The following ZBTB26 variants were observed in gnomAD, a reference collection of about 807,000 sequenced individuals.
ZBTB26 encodes the protein zinc finger and BTB domain-containing protein 26.
In ZBTB26, 12 loss-of-function variants were observed where a neutral mutation model predicts 31.6. That is an observed-to-expected ratio of 0.38 (90% confidence interval 0.24 to 0.61). ZBTB26 has a LOEUF of 0.61. Ranked by LOEUF, ZBTB26 falls within the 20% of genes least tolerant of loss-of-function variation. ZBTB26 has a pLI of 0.60. For synonymous variants in ZBTB26, 155 were observed against 182.9 expected, an observed-to-expected ratio of 0.85 and a Z score of 1.23; for missense variants, 311 against 521.9, an observed-to-expected ratio of 0.60 and a Z score of 3.94.
intron 1 of ZBTB26, among the ~76,000 whole-genome samples, chr9:122,921,826 G>A (rs1010270982): frequency 6.6e-6 from 1 of 152,194 alleles, no homozygotes; most frequent in African/African-American, 2.4e-5. Context: ...AGCTACTCAG[G>A]AGGCTAAGGC....
intron 1 of ZBTB26, among the ~76,000 whole-genome samples, chr9:122,928,437 T>C (rs1177806891): frequency 1.3e-5 from 2 of 152,106 alleles, no homozygotes; most frequent in African/African-American, 4.8e-5. Context: ...CCTCCCAAAG[T>C]GCTGGGATTA....
intron 1 of ZBTB26, 49 bp downstream of exon 1, chr9:122,931,388 T>C (rs1833283693): frequency 6.6e-6 from 1 of 152,534 alleles, no homozygotes; most frequent in African/African-American, 2.4e-5. Context: ...GGTTCCATTT[T>C]GAGACACCCC....
chr9:122,927,743 A>C (rs142655173), intron 1 of ZBTB26, among the ~76,000 whole-genome samples: 1,818 of 152,270 alleles, frequency 0.012, 25 homozygotes, highest in Non-Finnish European at 0.017. Flanking sequence ...TTTTAGATGT[A>C]ATTCCCCTTC....
At chr9:122,926,375 C>T (rs369958495) in intron 1 of ZBTB26, among the ~76,000 whole-genome samples, 13 of 151,962 alleles carry the variant, frequency 8.6e-5, no homozygotes, top group African/African-American at 2.2e-4. Flanking sequence ...GGAGTGGTGG[C>T]GGGCACCTGT....
At chr9:122,930,701 A>G (rs1465420127) in intron 1 of ZBTB26, among the ~76,000 whole-genome samples, 1 of 151,880 alleles carries the variant, frequency 6.6e-6, no homozygotes, top group African/African-American at 2.4e-5. Context: ...GAGTCCCCCC[A>G]TTTCCTCCTC....
rs559840108 is a variant in ZBTB26 at position 122,919,583 on chromosome 9, G to A, written c.352C>T (p.Arg118Trp). 14 of 1,614,030 alleles carry A rather than the reference G, an allele frequency of 8.7e-6. No homozygotes were observed. The highest frequency in any genetic ancestry group is 1.0e-5 in the Non-Finnish European group (12 of 1,180,030). The change falls in exon 2 of 2, where the codon CGG (arginine) becomes TGG (tryptophan). Residue 118 changes from arginine (R) to tryptophan (W), a missense_variant. Arg to Trp is a moderately radical substitution (Grantham distance 101, BLOSUM62 -3). Around this residue, in one of 5 missense-constraint regions of ZBTB26, gnomAD observed 207 missense variants for 298.6 expected, o/e 0.69. Transcript: ENST00000373656. This position sits in a 1 kb window ranked among gnomAD's most constrained non-coding sequence, Gnocchi z 6.1. ...SFLQMSHIVE[R>W]CTQALWKFIK... ...AACTTCCACAGGGCCTGTGTGCACC[G>A]TTCTACAATGTGGCTCATCTGAAGA...
rs545982551 is a variant in ZBTB26, at chr9:122,922,664, T to C, written c.-10-2720A>G. ...CATTAGTTGAACCTATCAGATTAGT[T>C]TGACAGTGGTAAGGAAGAACTGTTG... On this transcript the variant is annotated intron_variant, in intron 1 of 1. Coordinates refer to ENST00000373656, the MANE Select transcript of ZBTB26 (RefSeq NM_020924.4). Among the ~76,000 whole-genome samples the C allele has an allele frequency of 2.2e-4, 34 of 152,294 alleles. No individual in the cohort carries two copies. In the South Asian group the frequency reaches 6.4e-3, roughly 29 times the overall value.
At chr9:122,920,231 G>T (rs1021982255) in intron 1 of ZBTB26, among the ~76,000 whole-genome samples, 3 of 152,216 alleles carry the variant, frequency 2.0e-5, no homozygotes, top group African/African-American at 4.8e-5. Flanking sequence ...TAGTGCTTGG[G>T]ATAGTCCAAG....
At position 122,916,871 on chromosome 9, in the gene ZBTB26, G is replaced by C. The variant is rs1833023434; in HGVS notation, c.*1738C>G. ...AATATAACAATTGAAGATCCCCTCT[G>C]ACTATGCAAGCCTAATTTTTCAAAT... On this transcript the variant is annotated 3_prime_UTR_variant, in exon 2 of 2. Transcript: ENST00000373656. 1 of 152,126 alleles carries C rather than the reference G, an allele frequency of 6.6e-6. No individual in the cohort carries two copies. Among genetic ancestry groups the C allele is most frequent in the Non-Finnish European group, 1.5e-5 (1 of 68,028 alleles). The allele number at this position is 152,126 out of a possible 1,614,324, so 9.4% of individuals were successfully genotyped here. A position where few individuals can be genotyped will look rare whatever the true frequency, so the allele number is the denominator to read the frequency against.
intron 1 of ZBTB26, among the ~76,000 whole-genome samples, chr9:122,928,606 C>T (rs1177903243): frequency 6.6e-6 from 1 of 152,148 alleles, no homozygotes; most frequent in African/African-American, 2.4e-5. Flanking sequence ...TCTTTCAAAG[C>T]TAAGTCTCCA....
chr9:122,920,602 GC>G (rs1833080667), intron 1 of ZBTB26, among the ~76,000 whole-genome samples: 1 of 152,114 alleles, frequency 6.6e-6, no homozygotes, highest in African/African-American at 2.4e-5. Flanking sequence ...AAGTATTTCT[GC>G]AATAAAATGA....
intron 1 of ZBTB26, among the ~76,000 whole-genome samples, chr9:122,924,964 A>ATTT (rs1833155631): frequency 1.3e-5 from 2 of 151,802 alleles, no homozygotes; most frequent in Non-Finnish European, 2.9e-5. Context: ...CTTAAAAAAA[A>ATTT]TTTTTTTTGA....
At position 122,918,560 on chromosome 9, in the gene ZBTB26, C is replaced by CTAT; in HGVS notation, c.*46_*48dup. 1.3e-6 allele frequency: 2 copies of CTAT among 1,570,424 alleles called. 1 individual carries two copies. Among genetic ancestry groups the CTAT allele is most frequent in the South Asian group, 2.4e-5 (2 of 82,058 alleles). On this transcript the variant is annotated 3_prime_UTR_variant, in exon 2 of 2. Transcript: ENST00000373656. ...AAAATCACTCCTAAAAAGACTAAGA[C>CTAT]TATTGCCACATTGTCAGTCAGTTCG... is the stretch of plus-strand genomic sequence containing the variant.
Position 122,918,645 on chromosome 9 carries a change from G to A in ZBTB26, c.1290C>T (p.Val430=), listed in dbSNP as rs774962634. 2 of 1,614,018 alleles carry A rather than the reference G, an allele frequency of 1.2e-6. No individual in the cohort carries two copies. Among genetic ancestry groups the A allele is most frequent in the Non-Finnish European group, 1.7e-6 (2 of 1,179,968 alleles). ...AAGTACTATCATTTCTTAAGTTCAG[G>A]ACAGCTTGGGCCAGTTTACCTGCAT... ...VLDAGKLAQA[V]LNLRNDSTCV... The change falls in exon 2 of 2, where the codon GTC becomes GTT. Residue 430 remains valine (V), a synonymous_variant. Transcript: ENST00000373656.
At position 122,926,447 on chromosome 9, in the gene ZBTB26, C is replaced by T. The variant is rs184800986; in HGVS notation, c.-11+4990G>A. 1.6e-3 allele frequency among the ~76,000 whole-genome samples: 244 copies of T among 148,972 alleles called. 9 individuals are homozygous for T. In the East Asian group the frequency reaches 0.046, roughly 28 times the overall value. Reference sequence around the variant, plus strand: ...GCGTGAACCCGGGAGGTGGAGCTTGCAGTGAGCTGAGATTGTGCCACTGCA... The same window carrying T: ...GCGTGAACCCGGGAGGTGGAGCTTGTAGTGAGCTGAGATTGTGCCACTGCA... On this transcript the variant is annotated intron_variant, in intron 1 of 1. Transcript: ENST00000373656.
At position 122,917,251 on chromosome 9, in the gene ZBTB26, G is replaced by A. The variant is rs1014286300; in HGVS notation, c.*1358C>T. ...GCCAAGGGATAGCGAGAAGAAGGAA[G>A]AAGATGCTAGCTCATATTTAGTTAT... On this transcript the variant is annotated 3_prime_UTR_variant, in exon 2 of 2. Transcript: ENST00000373656. 1 of 152,212 alleles carries A rather than the reference G, an allele frequency of 6.6e-6. No individual in the cohort carries two copies. The allele number at this position is 152,212 out of a possible 1,614,324, so 9.4% of individuals were successfully genotyped here. A position where few individuals can be genotyped will look rare whatever the true frequency, so the allele number is the denominator to read the frequency against.
At chr9:122,925,659 C>T (rs1007642479) in intron 1 of ZBTB26, among the ~76,000 whole-genome samples, 28 of 151,420 alleles carry the variant, frequency 1.8e-4, no homozygotes, top group African/African-American at 5.6e-4. Flanking sequence ...AGTGCAATGG[C>T]GTGATCTCGG....
intron 1 of ZBTB26, among the ~76,000 whole-genome samples, chr9:122,925,996 T>A (rs1833172830): frequency 6.6e-6 from 1 of 151,810 alleles, no homozygotes; most frequent in Non-Finnish European, 1.5e-5. Context: ...CCGACCCGGG[T>A]GATTCACCTG....
chr9:122,918,739 G>T lies in ZBTB26; in HGVS notation c.1196C>A (p.Ser399Tyr), dbSNP rs1189671425. The T allele has an allele frequency of 1.2e-6, 2 of 1,614,136 alleles. No individual in the cohort carries two copies. The highest frequency in any genetic ancestry group is 1.7e-6 in the Non-Finnish European group (2 of 1,180,010). The change falls in exon 2 of 2, where the codon TCT becomes TAT. Residue 399 changes from serine (S) to tyrosine (Y), a missense_variant. By Grantham distance (144) the Ser-to-Tyr change is moderately radical. Around this residue, in one of 5 missense-constraint regions of ZBTB26, gnomAD observed 49 missense variants for 66.0 expected, o/e 0.74. Coordinates refer to ENST00000373656, the MANE Select transcript of ZBTB26 (RefSeq NM_020924.4). ...GTCTGTGACTGTTGTACATGCAAAA[G>T]AATCAAAATCCACTGTGAGGTCTTG... is the stretch of plus-strand genomic sequence containing the variant. ...NVQDLTVDFD[S>Y]FACTTVTDSK...
Sources: allele counts gnomAD v4.1 joint callset (sites outside exome capture counted in the v4.1 genomes callset), GRCh38; gene constraint gnomAD v4.1.1; regional missense constraint gnomAD v4.1.1; non-coding constraint Gnocchi (gnomAD v3.1); transcripts MANE v1.5; gene names NCBI Gene and HGNC (gene_info 2026-07-23, HGNC 2026-07-21).